The following UNC5D variants were observed in gnomAD, a reference collection of about 807,000 sequenced individuals.
UNC5D encodes the protein unc-5 netrin receptor D, also known as netrin receptor UNC5D.
Under a neutral mutation model 105.4 loss-of-function variants are expected in UNC5D, and 39 were observed. The observed-to-expected ratio is 0.37, with a 90% CI of 0.29 to 0.48. The LOEUF (loss-of-function observed/expected upper bound fraction) is 0.48, where lower values mean the gene tolerates loss of function less well. Among genes scored for constraint, UNC5D ranks in the 20% least tolerant of loss-of-function variants. The pLI is 0.98. For missense variants in UNC5D, 991 were observed against 1,202.4 expected (o/e 0.82, Z 2.60); for synonymous variants, 452 against 450.4 (o/e 1.00, Z -0.04).
intron 1 of UNC5D, among the ~76,000 whole-genome samples, chr8:35,536,701 T>C (rs1814867863): frequency 1.3e-5 from 2 of 152,124 alleles, no homozygotes; most frequent in Admixed American, 1.3e-4. Flanking sequence ...AGAAATAACA[T>C]AAAAAGCAAG....
chr8:35,771,842 GAA>G (rs1243456116), intron 15 of UNC5D, among the ~76,000 whole-genome samples: 1 of 152,150 alleles, frequency 6.6e-6, no homozygotes, highest in Non-Finnish European at 1.5e-5. Flanking sequence ...TAGGATGTCA[GAA>G]TTCTAGTTTC....
At chr8:35,369,898 C>T (rs779912348) in intron 1 of UNC5D, among the ~76,000 whole-genome samples, 2 of 152,036 alleles carry the variant, frequency 1.3e-5, no homozygotes, top group Non-Finnish European at 2.9e-5. Flanking sequence ...AGAATTAAAC[C>T]CACCCACTTA....
At chr8:35,601,213 T>C (rs1015921946) in intron 4 of UNC5D, among the ~76,000 whole-genome samples, 2 of 152,186 alleles carry the variant, frequency 1.3e-5, no homozygotes, top group Admixed American at 6.5e-5. Context: ...CCTTGTAGTA[T>C]AGTTTAAAGT....
chr8:35,581,769 TAAAAG>T (rs1453966725), intron 3 of UNC5D, among the ~76,000 whole-genome samples: 1 of 151,556 alleles, frequency 6.6e-6, no homozygotes, highest in East Asian at 1.9e-4. Flanking sequence ...ACAAAAAAAT[TAAAAG>T]AAAAAAAAAA....
chr8:35,752,058 C>T (rs1006482410), intron 13 of UNC5D, among the ~76,000 whole-genome samples: 1 of 152,174 alleles, frequency 6.6e-6, no homozygotes, highest in African/African-American at 2.4e-5. Context: ...ATACCTATCA[C>T]AAGGTAGTCA....
chr8:35,759,605 TA>T (rs969379262), intron 14 of UNC5D, 136 bp downstream of exon 14: 2 of 1,043,020 alleles, frequency 1.9e-6, no homozygotes, highest in African/African-American at 3.2e-5. Flanking sequence ...CACAGAAATG[TA>T]ACAGTTTGGA....
intron 1 of UNC5D, among the ~76,000 whole-genome samples, chr8:35,443,642 C>A (rs571465511): frequency 5.3e-5 from 8 of 151,874 alleles, no homozygotes; most frequent in African/African-American, 1.9e-4. Context: ...TCGTTGCCTG[C>A]CAATGGTAAT....
chr8:35,586,070 C>T lies in UNC5D; in HGVS notation c.467-9484C>T, dbSNP rs546578582. The stretch of plus-strand genomic sequence containing the variant: ...GGTGGATCACCTGAGGTCAGGAGTT[C>T]GAGACCACCCTGGCCAACATGGAGA... On this transcript the variant is annotated intron_variant, in intron 3 of 16. Coordinates refer to ENST00000404895, the MANE Select transcript of UNC5D (RefSeq NM_080872.4). Among the ~76,000 whole-genome samples, 4 of 152,014 alleles carry T rather than the reference C, an allele frequency of 2.6e-5. No homozygotes were observed. In the South Asian group the frequency reaches 8.3e-4, roughly 32 times the overall value.
chr8:35,279,487 C>T lies in UNC5D; in HGVS notation c.103+43600C>T, dbSNP rs142451964. Among the ~76,000 whole-genome samples, 1,218 of 152,178 alleles carry T rather than the reference C, an allele frequency of 8.0e-3. 9 individuals carry two copies. The highest frequency in any genetic ancestry group is 0.014 in the Non-Finnish European group (960 of 68,004). The stretch of plus-strand genomic sequence containing the variant: ...GCAAATTGTCCCCAAGTGGACTGAC[C>T]CTTTGCAATGAAGAGAAAACTTGTC... On this transcript the variant is annotated intron_variant, in intron 1 of 16. Transcript: ENST00000404895.
At chr8:35,340,436 C>G (rs181883812) in intron 1 of UNC5D, among the ~76,000 whole-genome samples, 135 of 152,208 alleles carry the variant, frequency 8.9e-4, no homozygotes, top group African/African-American at 3.1e-3. Flanking sequence ...GAACTAACTG[C>G]CTTACTTGGA....
At chr8:35,570,258 A>G (rs1172392774) in intron 3 of UNC5D, among the ~76,000 whole-genome samples, 1 of 152,170 alleles carries the variant, frequency 6.6e-6, no homozygotes, top group Non-Finnish European at 1.5e-5. Flanking sequence ...TCGCATGGGG[A>G]GGAACCCAGA....
intron 1 of UNC5D, among the ~76,000 whole-genome samples, chr8:35,523,417 A>T (rs1813625856): frequency 6.6e-6 from 1 of 151,998 alleles, no homozygotes; most frequent in Non-Finnish European, 1.5e-5. Flanking sequence ...TTAATTCACA[A>T]TTTTAAAAAG....
intron 1 of UNC5D, among the ~76,000 whole-genome samples, chr8:35,353,896 T>G (rs1812422614): frequency 6.6e-6 from 1 of 152,138 alleles, no homozygotes; most frequent in Non-Finnish European, 1.5e-5. Context: ...AAATTAATAT[T>G]TGTTGCTTCC....
intron 1 of UNC5D, among the ~76,000 whole-genome samples, chr8:35,331,511 G>C (rs1810628776): frequency 6.6e-6 from 1 of 152,100 alleles, no homozygotes; most frequent in African/African-American, 2.4e-5. Flanking sequence ...CTCCTCGCCT[G>C]TATCACTTGC....
chr8:35,503,217 C>T (rs543079755), intron 1 of UNC5D, among the ~76,000 whole-genome samples: 6 of 152,180 alleles, frequency 3.9e-5, no homozygotes, highest in African/African-American at 7.2e-5. Context: ...ATCACATAGT[C>T]GGTGTATTAG....
chr8:35,523,327 C>T (rs980376106), intron 1 of UNC5D, among the ~76,000 whole-genome samples: 1 of 152,074 alleles, frequency 6.6e-6, no homozygotes, highest in Non-Finnish European at 1.5e-5. Flanking sequence ...AAGCGTTCTT[C>T]CCACTTCGAC....
intron 4 of UNC5D, among the ~76,000 whole-genome samples, chr8:35,645,256 A>C (rs1337769592): frequency 6.6e-6 from 1 of 152,102 alleles, no homozygotes; most frequent in Non-Finnish European, 1.5e-5. Context: ...TTACTTTCAA[A>C]TGGGTGACAG....
At chr8:35,296,132 C>T (rs551157432) in intron 1 of UNC5D, among the ~76,000 whole-genome samples, 1 of 152,326 alleles carries the variant, frequency 6.6e-6, no homozygotes, top group African/African-American at 2.4e-5. Context: ...CATGGAAGTA[C>T]AGATACCTCT....
intron 1 of UNC5D, among the ~76,000 whole-genome samples, chr8:35,275,797 A>T (rs978338009): frequency 1.3e-5 from 2 of 152,166 alleles, no homozygotes; most frequent in Non-Finnish European, 2.9e-5. Flanking sequence ...CTTTAACTTC[A>T]GTTTTGTTTG....
Sources: gnomAD v4.1 joint callset for allele counts (sites outside exome capture counted in the v4.1 genomes callset) on GRCh38, gnomAD v4.1.1 for gene constraint, MANE v1.5 for transcripts, NCBI Gene and HGNC (gene_info 2026-07-23, HGNC 2026-07-21) for gene names.